The following PXDNL variants were observed in gnomAD, a reference collection of about 807,000 sequenced individuals.
PXDNL encodes the protein peroxidasin like, also known as probable oxidoreductase PXDNL.
In PXDNL, 145 loss-of-function variants were observed where a neutral mutation model predicts 150.8. The observed-to-expected ratio is 0.96, with a 90% CI of 0.84 to 1.10. The LOEUF (loss-of-function observed/expected upper bound fraction) is 1.10. Ranked by LOEUF, PXDNL falls within the 50% of genes least tolerant of loss-of-function variation. The probability of loss-of-function intolerance (pLI) is 0.00; values close to 1 mark genes in which losing one functional copy is unlikely to be tolerated. For missense variants in PXDNL, 2,087 were observed against 1,873.9 expected (o/e 1.11, Z -2.10); for synonymous variants, 757 against 725.7 (o/e 1.04, Z -0.69).
At chr8:51,746,460 A>C (rs894350318) in intron 1 of PXDNL, among the ~76,000 whole-genome samples, 3 of 152,258 alleles carry the variant, frequency 2.0e-5, no homozygotes, top group South Asian at 4.2e-4. Context: ...GATAATTATA[A>C]AAGGGTCTTG....
chr8:51,734,578 A>G (rs373964503), intron 1 of PXDNL, among the ~76,000 whole-genome samples: 2 of 152,364 alleles, frequency 1.3e-5, no homozygotes, highest in South Asian at 2.1e-4. Context: ...TAAAAGACAT[A>G]GACAATAAAA....
chr8:51,785,668 A>G (rs4305894), intron 1 of PXDNL, among the ~76,000 whole-genome samples: 146,683 of 152,296 alleles, frequency 0.96, 70,734 homozygotes, highest in East Asian at 1. Flanking sequence ...AGCCACACAA[A>G]ATGGTGTACT....
At chr8:51,532,192 C>T (rs1811921090) in intron 4 of PXDNL, among the ~76,000 whole-genome samples, 2 of 152,198 alleles carry the variant, frequency 1.3e-5, no homozygotes, top group South Asian at 4.1e-4. Context: ...AACTTTTATA[C>T]TTACCACTTG....
chr8:51,376,243 A>AC (rs1021122610), intron 17 of PXDNL, among the ~76,000 whole-genome samples: 3 of 152,326 alleles, frequency 2.0e-5, no homozygotes, highest in Admixed American at 2.0e-4. Flanking sequence ...TCTCAATGTC[A>AC]CCTGGAGAGC....
At chr8:51,800,596 C>G (rs1488521374) in intron 1 of PXDNL, among the ~76,000 whole-genome samples, 1 of 152,168 alleles carries the variant, frequency 6.6e-6, no homozygotes, top group East Asian at 1.9e-4. Flanking sequence ...GAGGGACCAG[C>G]TGGAGCCACG....
chr8:51,450,676 C>T (rs1285517219), intron 10 of PXDNL, among the ~76,000 whole-genome samples: 1 of 152,124 alleles, frequency 6.6e-6, no homozygotes, highest in African/African-American at 2.4e-5. Flanking sequence ...AAATAAATTT[C>T]CAAGTCACAC....
At chr8:51,772,825 G>A (rs1208040939) in intron 1 of PXDNL, among the ~76,000 whole-genome samples, 2 of 152,210 alleles carry the variant, frequency 1.3e-5, no homozygotes, top group Non-Finnish European at 2.9e-5. Flanking sequence ...ACCAACTACA[G>A]GGAGTGCCAC....
chr8:51,640,461 T>C (rs544402035), intron 2 of PXDNL, among the ~76,000 whole-genome samples: 3 of 152,204 alleles, frequency 2.0e-5, no homozygotes, highest in Non-Finnish European at 4.4e-5. Context: ...AACCCCATTG[T>C]CTCAGCCCAA....
chr8:51,519,406 G>T (rs138506010), intron 4 of PXDNL, among the ~76,000 whole-genome samples: 1 of 152,054 alleles, frequency 6.6e-6, no homozygotes, highest in African/African-American at 2.4e-5. Flanking sequence ...GGTGGTGTGC[G>T]CCTATAATCC....
chr8:51,785,751 A>G (rs112093045), intron 1 of PXDNL, among the ~76,000 whole-genome samples: 1 of 152,178 alleles, frequency 6.6e-6, no homozygotes, highest in East Asian at 1.9e-4. Flanking sequence ...TGGGCCTCCC[A>G]ATTCCCTGAG....
intron 2 of PXDNL, among the ~76,000 whole-genome samples, chr8:51,611,625 C>T (rs2130715070): frequency 6.6e-6 from 1 of 152,314 alleles, no homozygotes; most frequent in South Asian, 2.1e-4. Flanking sequence ...ATAGGTCATG[C>T]ACCCAAACTA....
chr8:51,696,847 A>ACACACATC (rs1816155921), intron 1 of PXDNL, among the ~76,000 whole-genome samples: 1 of 137,364 alleles, frequency 7.3e-6, no homozygotes, highest in Non-Finnish European at 1.5e-5. Flanking sequence ...ACAGGTCCTG[A>ACACACATC]CACACACACA....
chr8:51,577,883 A>G (rs1200264303), intron 3 of PXDNL, among the ~76,000 whole-genome samples: 1 of 146,734 alleles, frequency 6.8e-6, no homozygotes, highest in Non-Finnish European at 1.5e-5. Context: ...GATTGGGAAA[A>G]ATAACATACA....
chr8:51,695,952 CAAA>C, intron 1 of PXDNL, among the ~76,000 whole-genome samples: 1 of 152,278 alleles, frequency 6.6e-6, no homozygotes, highest in Middle Eastern at 3.4e-3. Context: ...AGGGCTGACA[CAAA>C]GAAGTACATT....
intron 1 of PXDNL, among the ~76,000 whole-genome samples, chr8:51,694,813 T>A (rs908499025): frequency 2.6e-5 from 4 of 152,252 alleles, no homozygotes; most frequent in Admixed American, 6.5e-5. Context: ...TAGGACCATC[T>A]GAGTGTACTT....
intron 4 of PXDNL, among the ~76,000 whole-genome samples, chr8:51,524,107 C>A (rs1811717053): frequency 6.6e-6 from 1 of 151,030 alleles, no homozygotes; most frequent in African/African-American, 2.4e-5. Flanking sequence ...TTTGCCACCT[C>A]GGTTCCTCAT....
chr8:51,661,838 C>A (rs1366004057), intron 1 of PXDNL, among the ~76,000 whole-genome samples: 5 of 146,820 alleles, frequency 3.4e-5, no homozygotes, highest in Non-Finnish European at 7.4e-5. Flanking sequence ...GTGATTTTTT[C>A]TTTCTTTTCT....
At chr8:51,512,496 T>C (rs1811443726) in intron 4 of PXDNL, among the ~76,000 whole-genome samples, 1 of 152,184 alleles carries the variant, frequency 6.6e-6, no homozygotes, top group African/African-American at 2.4e-5. Flanking sequence ...ATTGATTCTG[T>C]AACAGGGAAA....
intron 4 of PXDNL, among the ~76,000 whole-genome samples, chr8:51,500,394 G>C (rs976295087): frequency 6.6e-6 from 1 of 152,190 alleles, no homozygotes; most frequent in Non-Finnish European, 1.5e-5. Context: ...ATTTCAGAAA[G>C]GCTTCTCTTA....
Sources: allele counts gnomAD v4.1 joint callset (sites outside exome capture counted in the v4.1 genomes callset), GRCh38; gene constraint gnomAD v4.1.1; transcripts MANE v1.5; gene names NCBI Gene and HGNC (gene_info 2026-07-23, HGNC 2026-07-21).